CLCN5: variants seen among roughly 807,000 people sequenced by gnomAD.
CLCN5 encodes the protein Cl-/H+ antiporter 5.
In CLCN5, 17 loss-of-function variants were observed where a neutral mutation model predicts 54.0. The ratio of observed to expected loss-of-function variants is 0.31; its 90% CI spans 0.22 to 0.47. The LOEUF is 0.47. Ranked by LOEUF, CLCN5 falls within the 20% of genes least tolerant of loss-of-function variation. The pLI is 1.00. For synonymous variants in CLCN5, 222 were observed against 233.0 expected (o/e 0.95, Z 0.43); for missense variants, 448 against 646.7 (o/e 0.69, Z 3.33).
rs1223100395 is a variant in CLCN5, at chrX:50,085,330, CTCTT to C, written c.934-648_934-645del. 2.2e-4 allele frequency: 25 copies of C among 114,887 alleles called. No homozygotes were observed. In the Admixed American group the frequency reaches 2.2e-3, roughly 10 times the overall value. 9.5% of individuals were successfully genotyped at this position (114,887 alleles called of 1,213,427 possible). On this transcript the variant is annotated intron_variant, in intron 9 of 14. Transcript: ENST00000376091. ...GTCTCTAAGTATCACTATTCTTTCT[CTCTT>C]TATCACTTTTTCCCTTTGGCTCCTT...
intron 3 of CLCN5, among the ~76,000 whole-genome samples, chrX:49,947,037 G>A (rs1401463155): frequency 9.1e-6 from 1 of 109,840 alleles, no homozygotes; most frequent in East Asian, 2.9e-4. Context: ...GGTCAGGCTG[G>A]TCTTGAACTC....
At chrX:50,035,270 G>A (rs782591431) in intron 3 of CLCN5, among the ~76,000 whole-genome samples, 3 of 111,568 alleles carry the variant, frequency 2.7e-5, no homozygotes, top group African/African-American at 9.7e-5. Context: ...GAGTAATGAT[G>A]AAGTAATAAA....
intron 3 of CLCN5, among the ~76,000 whole-genome samples, chrX:49,999,978 A>G (rs1557180120): frequency 9.0e-6 from 1 of 111,231 alleles, no homozygotes; most frequent in Admixed American, 9.5e-5. Context: ...TTCTTCCTAT[A>G]TCTGCCCTGT....
At chrX:49,950,228 G>GT (rs1452210732) in intron 3 of CLCN5, among the ~76,000 whole-genome samples, 1 of 111,683 alleles carries the variant, frequency 9.0e-6, no homozygotes, top group Admixed American at 9.6e-5. Context: ...TTTTAAATGG[G>GT]TAAAAAATAT....
chrX:50,040,133 A>G (rs1203681882), intron 3 of CLCN5, among the ~76,000 whole-genome samples: 1 of 112,374 alleles, frequency 8.9e-6, no homozygotes, highest in Non-Finnish European at 1.9e-5. Flanking sequence ...GGTTCCCTAG[A>G]AGCAGAAGCA....
At chrX:50,009,936 G>T in intron 3 of CLCN5, 1 of 278,378 alleles carries the variant, frequency 3.6e-6, no homozygotes. Flanking sequence ...GATGGGCATT[G>T]GACACAGAGA....
intron 3 of CLCN5, among the ~76,000 whole-genome samples, chrX:50,004,402 A>T (rs781820309): frequency 3.6e-5 from 4 of 111,179 alleles, no homozygotes; most frequent in Non-Finnish European, 7.5e-5. Flanking sequence ...GGGGGTAGTT[A>T]CAGCATAGAT....
At chrX:50,060,737 C>T (rs1932843837) in intron 4 of CLCN5, among the ~76,000 whole-genome samples, 1 of 111,524 alleles carries the variant, frequency 9.0e-6, no homozygotes, top group Non-Finnish European at 1.9e-5. Flanking sequence ...GCAGTAACCT[C>T]TGCAGACTTA....
intron 3 of CLCN5, among the ~76,000 whole-genome samples, chrX:49,941,013 T>C (rs1557170778): frequency 8.9e-6 from 1 of 111,879 alleles, no homozygotes; most frequent in African/African-American, 3.3e-5. Flanking sequence ...AATGAGATAA[T>C]CCATGTAAAG....
At chrX:50,063,478 A>G (rs1402801075) in intron 4 of CLCN5, among the ~76,000 whole-genome samples, 1 of 107,783 alleles carries the variant, frequency 9.3e-6, no homozygotes, top group Non-Finnish European at 1.9e-5. Flanking sequence ...GAGTCTCTGA[A>G]TAGACCAATA....
At chrX:50,083,654 A>G (rs1173172326) in intron 9 of CLCN5, among the ~76,000 whole-genome samples, 3 of 112,008 alleles carry the variant, frequency 2.7e-5, no homozygotes, top group African/African-American at 6.5e-5. Context: ...CATGAGCCTT[A>G]TATGTGCAAC....
intron 4 of CLCN5, among the ~76,000 whole-genome samples, chrX:50,066,508 G>C (rs1452687915): frequency 5.4e-5 from 6 of 112,147 alleles, no homozygotes; most frequent in African/African-American, 1.9e-4. Context: ...AGTTATTACA[G>C]CACACTGTGA....
In CLCN5 at chrX:50,089,934, T is replaced by C. The variant is rs781972072; in HGVS notation, c.1745-182T>C. Among the ~76,000 whole-genome samples, 8 of 111,643 alleles carry C rather than the reference T, an allele frequency of 7.2e-5. No individual in the cohort carries two copies. The East Asian group carries it at 2.3e-3, about 32-fold the overall frequency. On this transcript the variant is annotated intron_variant, in intron 12 of 14. Coordinates refer to ENST00000376091, the MANE Select transcript of CLCN5 (RefSeq NM_001127898.4). ...AGAAAAACAGAAGGCTTCTTGTAGA[T>C]GTTATTTTGAGAACTCTGAATCGTC... is the stretch of plus-strand genomic sequence containing the variant.
chrX:50,044,083 T>C (rs1032052952), intron 4 of CLCN5, among the ~76,000 whole-genome samples: 1 of 111,987 alleles, frequency 8.9e-6, no homozygotes, highest in Non-Finnish European at 1.9e-5. Flanking sequence ...TAAATACTTA[T>C]GATAGTTCCT....
intron 13 of CLCN5, 30 bp from the exon 14 acceptor site, chrX:50,090,640 T>G: frequency 8.4e-7 from 1 of 1,184,146 alleles, no homozygotes; most frequent in Non-Finnish European, 1.1e-6. Flanking sequence ...ACGTCCATCT[T>G]CAATTTGTTT....
At chrX:50,089,508 T>C (rs1170899882) in intron 12 of CLCN5, among the ~76,000 whole-genome samples, 1 of 112,622 alleles carries the variant, frequency 8.9e-6, no homozygotes, top group African/African-American at 3.2e-5. Context: ...GACTTTCTTT[T>C]ATATTTTCTG....
At chrX:50,039,517 A>G (rs1932130521) in intron 3 of CLCN5, among the ~76,000 whole-genome samples, 1 of 111,175 alleles carries the variant, frequency 9.0e-6, no homozygotes, top group Non-Finnish European at 1.9e-5. Flanking sequence ...TCCTGATCTT[A>G]TACATGTTGT....
chrX:50,083,813 A>T (rs782807384), intron 9 of CLCN5, among the ~76,000 whole-genome samples: 14 of 112,344 alleles, frequency 1.2e-4, no homozygotes, highest in Admixed American at 2.8e-4. Context: ...AAATTTTTTT[A>T]AAAAAATATT....
intron 3 of CLCN5, among the ~76,000 whole-genome samples, chrX:50,038,357 GT>G (rs1932084436): frequency 9.0e-6 from 1 of 111,524 alleles, no homozygotes; most frequent in East Asian, 2.8e-4. Flanking sequence ...TATTAACAAT[GT>G]AAAGACCTGG....
Sources: allele counts gnomAD v4.1 joint callset (sites outside exome capture counted in the v4.1 genomes callset), GRCh38; gene constraint gnomAD v4.1.1; transcripts MANE v1.5; gene names NCBI Gene and HGNC (gene_info 2026-07-23, HGNC 2026-07-21).